BCAS1: variants seen among roughly 807,000 people sequenced by gnomAD.
BCAS1 encodes brain enriched myelin associated protein 1, also known as breast carcinoma-amplified sequence 1.
A neutral mutation model predicts 65.4 loss-of-function variants in BCAS1; 46 were observed. The observed-to-expected ratio is 0.70, with a 90% confidence interval of 0.55 to 0.90. The LOEUF (loss-of-function observed/expected upper bound fraction) is 0.90. BCAS1 is among the 40% of genes least tolerant of loss of function. The pLI is 0.00. For synonymous variants in BCAS1, 298 were observed against 293.5 expected (o/e 1.02, Z -0.16); for missense variants, 793 against 771.2 (o/e 1.03, Z -0.33).
At chr20:54,001,655 A>G (rs2091056956) in intron 4 of BCAS1, among the ~76,000 whole-genome samples, 1 of 152,144 alleles carries the variant, frequency 6.6e-6, no homozygotes, top group Admixed American at 6.5e-5. Flanking sequence ...ACTAATCAGC[A>G]TTCTCCACGC....
At chr20:54,056,819 A>C (rs1161998901) in intron 3 of BCAS1, among the ~76,000 whole-genome samples, 1 of 152,214 alleles carries the variant, frequency 6.6e-6, no homozygotes, top group Non-Finnish European at 1.5e-5. Context: ...CATGTGAAAG[A>C]AAACAACCAT....
chr20:53,967,079 T>C lies in BCAS1; in HGVS notation c.1318-6A>G, dbSNP rs1403702140. 1.3e-6 allele frequency: 2 copies of C among 1,599,352 alleles called. No homozygotes were observed. Among genetic ancestry groups the C allele is most frequent in the South Asian group, 2.3e-5 (2 of 86,828 alleles). On this transcript the variant is annotated splice_region_variant and splice_polypyrimidine_tract_variant and intron_variant, in intron 9 of 12. Transcript: ENST00000688948. ...ACTGGTGACTCACACACCACCTGGA[T>C]TATTTTGCCAGGTAATAAGAAAATG...
intron 4 of BCAS1, among the ~76,000 whole-genome samples, chr20:54,009,725 G>T (rs1489275408): frequency 6.6e-6 from 1 of 152,044 alleles, no homozygotes; most frequent in Admixed American, 6.6e-5. Flanking sequence ...TATAAAGATA[G>T]TTACCAAAAA....
intron 3 of BCAS1, among the ~76,000 whole-genome samples, chr20:54,032,683 C>T (rs74523554): frequency 0.048 from 7,192 of 150,550 alleles, 493 homozygotes; most frequent in South Asian, 0.16. Flanking sequence ...TCCTAGTTGC[C>T]GTCAAAACAG....
At chr20:54,055,378 C>T (rs886835599) in intron 3 of BCAS1, among the ~76,000 whole-genome samples, 1 of 152,038 alleles carries the variant, frequency 6.6e-6, no homozygotes, top group East Asian at 1.9e-4. Context: ...AGAATCATGG[C>T]GGGAGGTGAA....
intron 11 of BCAS1, among the ~76,000 whole-genome samples, chr20:53,956,450 C>T (rs1299416235): frequency 2.0e-5 from 3 of 152,182 alleles, no homozygotes; most frequent in Admixed American, 6.5e-5. Flanking sequence ...TTAAAGCAAC[C>T]ACCTATGGCA....
intron 10 of BCAS1, among the ~76,000 whole-genome samples, chr20:53,961,696 TTCTGAG>T (rs1284020449): frequency 6.6e-6 from 1 of 152,226 alleles, no homozygotes; most frequent in African/African-American, 2.4e-5. Flanking sequence ...TTCGTATCCT[TTCTGAG>T]AATACCAGCT....
At chr20:54,053,664 G>C (rs1035501226) in intron 3 of BCAS1, among the ~76,000 whole-genome samples, 1 of 152,234 alleles carries the variant, frequency 6.6e-6, no homozygotes, top group Non-Finnish European at 1.5e-5. Context: ...TGTTCTGAGA[G>C]TTTTAGGAGT....
intron 4 of BCAS1, among the ~76,000 whole-genome samples, chr20:54,002,584 T>G (rs549986589): frequency 6.6e-6 from 1 of 152,312 alleles, no homozygotes; most frequent in African/African-American, 2.4e-5. Flanking sequence ...AAATCAGGTC[T>G]GAAAAGAAGT....
At chr20:53,972,840 A>C (rs1568829562) in intron 9 of BCAS1, among the ~76,000 whole-genome samples, 1 of 152,242 alleles carries the variant, frequency 6.6e-6, no homozygotes. Flanking sequence ...TTAACAGATG[A>C]GTAAACTGAG....
At chr20:53,991,785 G>T (rs1289720805) in intron 7 of BCAS1, among the ~76,000 whole-genome samples, 1 of 152,190 alleles carries the variant, frequency 6.6e-6, no homozygotes, top group Non-Finnish European at 1.5e-5. Flanking sequence ...ATTACTTGAG[G>T]TTAGAAGAGT....
intron 9 of BCAS1, among the ~76,000 whole-genome samples, chr20:53,973,677 A>C (rs1349024620): frequency 1.3e-5 from 2 of 152,244 alleles, no homozygotes; most frequent in Non-Finnish European, 2.9e-5. Flanking sequence ...AGTCTTGTGG[A>C]GTCCTCCTTG....
intron 4 of BCAS1, among the ~76,000 whole-genome samples, chr20:53,996,476 A>G (rs1174065942): frequency 2.0e-5 from 3 of 151,646 alleles, no homozygotes; most frequent in South Asian, 4.2e-4. Context: ...AAAAAAAAAA[A>G]AAAAAAGAAA....
chr20:54,063,892 TTGAA>T (rs756294830), intron 1 of BCAS1, among the ~76,000 whole-genome samples: 17 of 152,240 alleles, frequency 1.1e-4, no homozygotes, highest in South Asian at 2.1e-4. Flanking sequence ...AAGAAAAAGT[TTGAA>T]TGGGGTGTTA....
chr20:54,067,401 G>A (rs1401012636), intron 1 of BCAS1, among the ~76,000 whole-genome samples: 1 of 152,196 alleles, frequency 6.6e-6, no homozygotes, highest in Admixed American at 6.5e-5. Flanking sequence ...ATCAAATAAA[G>A]TGAGGATTGA....
At chr20:54,033,485 G>A (rs2091843213) in intron 3 of BCAS1, among the ~76,000 whole-genome samples, 1 of 151,062 alleles carries the variant, frequency 6.6e-6, no homozygotes, top group Admixed American at 6.6e-5. Context: ...TGACCCCACA[G>A]AAGTACAAAC....
rs565524319 is a variant in BCAS1, at chr20:54,037,368, C to A, written c.143-8396G>T. Among the ~76,000 whole-genome samples, 15 of 151,462 alleles carry A rather than the reference C, an allele frequency of 9.9e-5. 1 individual carries two copies. Among genetic ancestry groups the A allele is most frequent in the East Asian group, 9.6e-4 (5 of 5,186 alleles). The stretch of plus-strand genomic sequence containing the variant: ...ATGAGAACAGCATGGAGGAAACTGT[C>A]CCCATGATCCAATCACCTCCACCTG... On this transcript the variant is annotated intron_variant, in intron 3 of 12. Transcript: ENST00000688948.
chr20:54,025,115 T>A (rs2091643568), intron 4 of BCAS1, among the ~76,000 whole-genome samples: 1 of 152,204 alleles, frequency 6.6e-6, no homozygotes, highest in South Asian at 2.1e-4. Context: ...AAAAAAGACA[T>A]TCTTCATCTT....
intron 3 of BCAS1, among the ~76,000 whole-genome samples, chr20:54,033,837 T>C (rs918984636): frequency 6.6e-6 from 1 of 151,108 alleles, no homozygotes; most frequent in African/African-American, 2.4e-5. Context: ...ACCTGGCAGA[T>C]ATACAACAAG....
Sources: gnomAD v4.1 joint callset for allele counts (sites outside exome capture counted in the v4.1 genomes callset) on GRCh38, gnomAD v4.1.1 for gene constraint, MANE v1.5 for transcripts, NCBI Gene and HGNC (gene_info 2026-07-23, HGNC 2026-07-21) for gene names.